Variants in AGTR2 observed in about 807,000 individuals in gnomAD.
AGTR2 encodes angiotensin II receptor type 2.
In AGTR2, 15 loss-of-function variants were observed where a neutral mutation model predicts 14.2. That is an observed-to-expected ratio of 1.05 (90% CI 0.70 to 1.62). The LOEUF is 1.62. Among genes scored for constraint, AGTR2 ranks in the 40% most tolerant of loss-of-function variants. AGTR2 has a pLI of 0.00. For missense variants in AGTR2, 274 were observed against 273.1 expected, an observed-to-expected ratio of 1.00 and a Z score of -0.02; for synonymous variants, 101 against 98.5, an observed-to-expected ratio of 1.03 and a Z score of -0.15.
rs1254192639 is a variant in AGTR2, at chrX:116,172,390, A to G, written c.110A>G (p.Gln37Arg). Residue 37 changes from glutamine (Q) to arginine (R), a missense_variant, in exon 3 of 3, where the codon CAG becomes CGG. Physicochemically the swap from Gln to Arg is conservative, Grantham distance 43 (BLOSUM62 1). Coordinates refer to ENST00000371906, the MANE Select transcript of AGTR2 (RefSeq NM_000686.5). ...GNNESTLNCS[Q>R]KPSDKHLDAI... Reference sequence around the variant, plus strand: ...AATGAGTCTACCTTGAACTGTTCACAGAAACCATCAGATAAGCATTTAGAT... The same window carrying G: ...AATGAGTCTACCTTGAACTGTTCACGGAAACCATCAGATAAGCATTTAGAT... 8 of 1,209,719 alleles carry G rather than the reference A, an allele frequency of 6.6e-6. No homozygotes were observed. The highest frequency in any genetic ancestry group is 8.9e-6 in the Non-Finnish European group (8 of 894,952).
chrX:116,171,817 A>G (rs1383869504), intron 2 of AGTR2, among the ~76,000 whole-genome samples: 2 of 111,482 alleles, frequency 1.8e-5, no homozygotes, highest in Non-Finnish European at 3.8e-5. Context: ...TCTCTATGCA[A>G]TAGCAAGCAG....
At chrX:116,171,314 C>T (rs1245368828) in intron 2 of AGTR2, among the ~76,000 whole-genome samples, 1 of 108,536 alleles carries the variant, frequency 9.2e-6, no homozygotes, top group Admixed American at 9.9e-5. Flanking sequence ...TTGAGAGCAA[C>T]GGCTATTCAG....
Position 116,172,439 on chromosome X carries a change from T to A in AGTR2, c.159T>A (p.Ile53=). 6.6e-6 allele frequency: 8 copies of A among 1,210,365 alleles called. No homozygotes were observed. Among genetic ancestry groups the A allele is most frequent in the Non-Finnish European group, 8.9e-6 (8 of 894,355 alleles). The part of the protein sequence containing the change: ...HLDAIPILYY[I]IFVIGFLVNI... ...ATGCAATTCCTATTCTTTACTACAT[T>A]ATATTTGTAATTGGATTTCTGGTCA... is the stretch of plus-strand genomic sequence containing the variant. The change falls in exon 3 of 3, where the codon ATT becomes ATA. Residue 53 remains isoleucine (I), a synonymous_variant. Coordinates refer to ENST00000371906, the MANE Select transcript of AGTR2 (RefSeq NM_000686.5).
rs782075784 is a variant in AGTR2, at chrX:116,173,345, T to C, written c.1065T>C (p.Leu355=). 9.9e-6 allele frequency: 12 copies of C among 1,211,413 alleles called. No individual in the cohort carries two copies. In the East Asian group the frequency reaches 3.2e-4, roughly 33 times the overall value. ...ESMSCRKSSS[L]REMETFVS is the part of the protein sequence containing the mutation. ...TGTCTTGCCGGAAAAGCAGTTCTCT[T>C]AGAGAAATGGAGACCTTTGTGTCTT... Residue 355 remains leucine, a synonymous_variant, in exon 3 of 3, where the codon CTT becomes CTC. Coordinates refer to ENST00000371906, the MANE Select transcript of AGTR2 (RefSeq NM_000686.5).
Position 116,174,769 on chromosome X carries a change from G to A in AGTR2, c.*1397G>A, listed in dbSNP as rs1419566305. On this transcript the variant is annotated 3_prime_UTR_variant, in exon 3 of 3. Coordinates refer to ENST00000371906, the MANE Select transcript of AGTR2 (RefSeq NM_000686.5). ...TACTGATCTCTGAGGCGGAACTAAC[G>A]TTTTGGGGACTCAGCATCTCTGCCA... 2.4e-5 allele frequency: 3 copies of A among 122,531 alleles called. No individual in the cohort carries two copies. Among genetic ancestry groups the A allele is most frequent in the Non-Finnish European group, 5.7e-5 (3 of 53,066 alleles). 10.1% of individuals were successfully genotyped at this position (122,531 alleles called of 1,213,427 possible).
rs782370785 is a variant in AGTR2 at position 116,172,434 on chromosome X, T to G, written c.154T>G (p.Tyr52Asp). The change falls in exon 3 of 3, where the codon TAC becomes GAC. Residue 52 changes from tyrosine to aspartate, a missense_variant. Coordinates refer to ENST00000371906, the MANE Select transcript of AGTR2 (RefSeq NM_000686.5). ...KHLDAIPILY[Y>D]IIFVIGFLVN... The stretch of plus-strand genomic sequence containing the variant: ...TTTAGATGCAATTCCTATTCTTTAC[T>G]ACATTATATTTGTAATTGGATTTCT... 40 of 1,210,282 alleles carry G rather than the reference T, an allele frequency of 3.3e-5. No homozygotes were observed. Among genetic ancestry groups the G allele is most frequent in the Non-Finnish European group, 4.5e-5 (40 of 894,181 alleles).
Position 116,172,261 on chromosome X carries a change from G to A in AGTR2, c.-20G>A. On this transcript the variant is annotated 5_prime_UTR_variant, in exon 3 of 3. An upstream open reading frame in the 5' UTR loses its in-frame stop. Coordinates refer to ENST00000371906, the MANE Select transcript of AGTR2 (RefSeq NM_000686.5). The stretch of plus-strand genomic sequence containing the variant: ...TTCTCCACAGAAGGCATAAGAACTA[G>A]GAGCTGCTGACATTTCAATATGAAG... 3 of 1,210,302 alleles carry A rather than the reference G, an allele frequency of 2.5e-6. No individual in the cohort carries two copies. The highest frequency in any genetic ancestry group is 3.4e-6 in the Non-Finnish European group (3 of 894,711).
Position 116,172,440 on chromosome X carries a change from A to G in AGTR2, c.160A>G (p.Ile54Val). The G allele has an allele frequency of 8.3e-7, 1 of 1,209,927 alleles. No homozygotes were observed. Among genetic ancestry groups the G allele is most frequent in the Non-Finnish European group, 1.1e-6 (1 of 894,122 alleles). ...TGCAATTCCTATTCTTTACTACATTATATTTGTAATTGGATTTCTGGTCAA... is the reference window on the plus strand; with the variant it reads ...TGCAATTCCTATTCTTTACTACATTGTATTTGTAATTGGATTTCTGGTCAA... ...LDAIPILYYI[I>V]FVIGFLVNIV... The change falls in exon 3 of 3, where the codon ATA becomes GTA. Residue 54 changes from isoleucine to valine, a missense_variant. Physicochemically the swap from Ile to Val is conservative, Grantham distance 29. Coordinates refer to ENST00000371906, the MANE Select transcript of AGTR2 (RefSeq NM_000686.5).
In AGTR2 at chrX:116,174,021, A is replaced by C. The variant is rs1026721465; in HGVS notation, c.*649A>C. On this transcript the variant is annotated 3_prime_UTR_variant, in exon 3 of 3. Coordinates refer to ENST00000371906, the MANE Select transcript of AGTR2 (RefSeq NM_000686.5). Reference sequence around the variant, plus strand: ...ACAGTTATAGAAAGCAAGATGTACTATAACATAGAATTGCAATCTATAATA... The same window carrying C: ...ACAGTTATAGAAAGCAAGATGTACTCTAACATAGAATTGCAATCTATAATA... The C allele has an allele frequency of 7.3e-5, 9 of 123,558 alleles. No homozygotes were observed. The highest frequency in any genetic ancestry group is 2.9e-4 in the African/African-American group (9 of 30,947). 10.2% of individuals were successfully genotyped at this position (123,558 alleles called of 1,213,427 possible).
rs1301798100 is a variant in AGTR2 at position 116,173,504 on chromosome X, C to T, written c.*132C>T. On this transcript the variant is annotated 3_prime_UTR_variant, in exon 3 of 3. Coordinates refer to ENST00000371906, the MANE Select transcript of AGTR2 (RefSeq NM_000686.5). ...CTGAATCTTCTGAAACCAAATGTAACTATGTTTTATCGTCCAGTGACTTTC... is the reference window on the plus strand; with the variant it reads ...CTGAATCTTCTGAAACCAAATGTAATTATGTTTTATCGTCCAGTGACTTTC... 2.3e-6 allele frequency: 2 copies of T among 888,331 alleles called. No homozygotes were observed. The highest frequency in any genetic ancestry group is 3.1e-6 in the Non-Finnish European group (2 of 638,811). 73.2% of individuals were successfully genotyped at this position (888,331 alleles called of 1,213,427 possible).
At chrX:116,171,851 C>G (rs1192963328) in intron 2 of AGTR2, among the ~76,000 whole-genome samples, 1 of 111,571 alleles carries the variant, frequency 9.0e-6, no homozygotes, top group Non-Finnish European at 1.9e-5. Context: ...AGAAAGTATA[C>G]AAACAGAGAT....
rs782572413 is a variant in AGTR2 at position 116,170,793 on chromosome X, C to A, written c.-119C>A. 9.0e-6 allele frequency: 1 copy of A among 111,704 alleles called. No homozygotes were observed. Among genetic ancestry groups the A allele is most frequent in the African/African-American group, 3.2e-5 (1 of 30,845 alleles). 9.2% of individuals were successfully genotyped at this position (111,704 alleles called of 1,213,427 possible). A position where few individuals can be genotyped will look rare whatever the true frequency, so the allele number is the denominator to read the frequency against. ...GAACGAGTAAGCACAGAATTCAAAG[C>A]ATTCTGCAGCCTGAATTTTGAAGGT... On this transcript the variant is annotated 5_prime_UTR_variant, in exon 1 of 3. Coordinates refer to ENST00000371906, the MANE Select transcript of AGTR2 (RefSeq NM_000686.5).
Position 116,174,413 on chromosome X carries a change from A to C in AGTR2, c.*1041A>C, listed in dbSNP as rs1176027139. The C allele has an allele frequency of 8.2e-6, 1 of 122,463 alleles. No homozygotes were observed. The highest frequency in any genetic ancestry group is 9.6e-5 in the Admixed American group (1 of 10,418). 10.1% of individuals were successfully genotyped at this position (122,463 alleles called of 1,213,427 possible). A position where few individuals can be genotyped will look rare whatever the true frequency, so the allele number is the denominator to read the frequency against. ...GGGGCAAAGAGACCCAGTCAATTAC[A>C]TGTTTGGTACCAAGAAAGGAACCTG... On this transcript the variant is annotated 3_prime_UTR_variant, in exon 3 of 3. Coordinates refer to ENST00000371906, the MANE Select transcript of AGTR2 (RefSeq NM_000686.5).
In AGTR2 at chrX:116,173,234, T is replaced by G. The variant is rs200659621; in HGVS notation, c.954T>G (p.Tyr318Ter). 2.6e-5 allele frequency: 32 copies of G among 1,209,503 alleles called. No homozygotes were observed. Among genetic ancestry groups the G allele is most frequent in the Non-Finnish European group, 3.5e-5 (31 of 895,070 alleles). The change falls in exon 3 of 3, where the codon TAT (tyrosine) becomes TAG (stop). Residue 318 changes from tyrosine (Y) to a stop codon, truncating the protein, a stop_gained. Coordinates refer to ENST00000371906, the MANE Select transcript of AGTR2 (RefSeq NM_000686.5). LOFTEE classifies it high-confidence loss of function. ...FTNSCVNPFL[Y>*]CFVGNRFQQK... The stretch of plus-strand genomic sequence containing the variant: ...ACAGCTGCGTTAATCCGTTTCTGTA[T>G]TGTTTTGTTGGAAACCGGTTCCAAC...
Position 116,174,481 on chromosome X carries a change from G to T in AGTR2, c.*1109G>T, listed in dbSNP as rs1922570448. 1 of 121,649 alleles carries T rather than the reference G, an allele frequency of 8.2e-6. No individual in the cohort carries two copies. Among genetic ancestry groups the T allele is most frequent in the Admixed American group, 9.7e-5 (1 of 10,320 alleles). 10.0% of individuals were successfully genotyped at this position (121,649 alleles called of 1,213,427 possible). A position where few individuals can be genotyped will look rare whatever the true frequency, so the allele number is the denominator to read the frequency against. ...GACTTTGAAAATATATACCGTGGGG[G>T]TAGTTTTACCCTATATCTATAAACA... On this transcript the variant is annotated 3_prime_UTR_variant, in exon 3 of 3. Transcript: ENST00000371906.
In AGTR2 at chrX:116,172,824, C is replaced by T. The variant is rs186326479; in HGVS notation, c.544C>T (p.Arg182Ter). Residue 182 changes from arginine (R) to a stop codon, truncating the protein, a stop_gained, in exon 3 of 3, where the codon CGA becomes TGA. Coordinates refer to ENST00000371906, the MANE Select transcript of AGTR2 (RefSeq NM_000686.5). LOFTEE classifies it high-confidence loss of function. ...CLSSLPTFYF[R>*]DVRTIEYLGV... ...GTCCTCATTGCCAACATTTTATTTT[C>T]GAGACGTCAGAACCATTGAATACTT... 58 of 1,209,023 alleles carry T rather than the reference C, an allele frequency of 4.8e-5. No individual in the cohort carries two copies. The East Asian group carries it at 1.1e-3, about 23-fold the overall frequency.
chrX:116,172,990 A>G lies in AGTR2; in HGVS notation c.710A>G (p.His237Arg). The G allele has an allele frequency of 8.3e-7, 1 of 1,211,453 alleles. No homozygotes were observed. Among genetic ancestry groups the G allele is most frequent in the South Asian group, 1.8e-5 (1 of 56,977 alleles). Residue 237 changes from histidine to arginine, a missense_variant, in exon 3 of 3, where the codon CAC becomes CGC. By Grantham distance (29) the His-to-Arg change is conservative (BLOSUM62 0). Transcript: ENST00000371906. ...ACATGCTATTTTGGAATTAGAAAAC[A>G]CTTACTGAAGACGAATAGCTATGGG... ...IATCYFGIRK[H>R]LLKTNSYGKN...
chrX:116,173,172 C>T lies in AGTR2; in HGVS notation c.892C>T (p.Leu298=). 1 of 1,208,484 alleles carries T rather than the reference C, an allele frequency of 8.3e-7. No individual in the cohort carries two copies. The highest frequency in any genetic ancestry group is 2.2e-5 in the Admixed American group (1 of 45,834). ...CTGCGAAGTTATAGCAGTCATTGAC[C>T]TGGCACTTCCTTTTGCCATCCTCTT... ...NSCEVIAVID[L]ALPFAILLGF... The change falls in exon 3 of 3, where the codon CTG becomes TTG. Residue 298 remains leucine (L), a synonymous_variant. Coordinates refer to ENST00000371906, the MANE Select transcript of AGTR2 (RefSeq NM_000686.5).
intron 2 of AGTR2, among the ~76,000 whole-genome samples, chrX:116,171,327 C>T (rs1342072119): frequency 9.2e-6 from 1 of 108,917 alleles, no homozygotes; most frequent in Non-Finnish European, 1.9e-5. Flanking sequence ...CTATTCAGTT[C>T]GGTTAAACCG....
Sources: allele counts gnomAD v4.1 joint callset (sites outside exome capture counted in the v4.1 genomes callset), GRCh38; gene constraint gnomAD v4.1.1; transcripts MANE v1.5; gene names NCBI Gene and HGNC (gene_info 2026-07-23, HGNC 2026-07-21).